UGCG: variants seen among roughly 807,000 people sequenced by gnomAD.
The protein encoded by UGCG is ceramide glucosyltransferase.
Under a neutral mutation model 49.5 loss-of-function variants are expected in UGCG, and 10 were observed. The ratio of observed to expected loss-of-function variants is 0.20; its 90% CI spans 0.12 to 0.34. The LOEUF (loss-of-function observed/expected upper bound fraction) is 0.34. Among genes scored for constraint, UGCG ranks in the 10% least tolerant of loss-of-function variants. The probability of loss-of-function intolerance (pLI) is 1.00; values close to 1 mark genes in which losing one functional copy is unlikely to be tolerated. For missense variants in UGCG, 312 were observed against 483.7 expected, an observed-to-expected ratio of 0.65 and a Z score of 3.33; for synonymous variants, 182 against 158.2, an observed-to-expected ratio of 1.15 and a Z score of -1.13.
chr9:111,925,257 T>G (rs1306699711), intron 4 of UGCG, among the ~76,000 whole-genome samples: 2 of 152,204 alleles, frequency 1.3e-5, no homozygotes, highest in Non-Finnish European at 2.9e-5. Context: ...AATTAATAGG[T>G]GCATATTTTA....
chr9:111,912,349 G>A (rs1243893951), intron 1 of UGCG, among the ~76,000 whole-genome samples: 5 of 151,770 alleles, frequency 3.3e-5, no homozygotes, highest in African/African-American at 9.7e-5. Flanking sequence ...AAGCCGAGGC[G>A]GGCAGATCAC....
chr9:111,915,763 T>A (rs1838099469), intron 2 of UGCG: 52 of 984,606 alleles, frequency 5.3e-5, no homozygotes, highest in Non-Finnish European at 6.3e-5. Context: ...TTTTAGCCTT[T>A]ATTTTTCTCG....
At chr9:111,922,103 G>A (rs1838232452) in intron 2 of UGCG, among the ~76,000 whole-genome samples, 1 of 151,246 alleles carries the variant, frequency 6.6e-6, no homozygotes, top group Non-Finnish European at 1.5e-5. Context: ...ATGAGCCACC[G>A]TGCCCAGCCC....
intron 1 of UGCG, among the ~76,000 whole-genome samples, chr9:111,908,567 T>A (rs1161621647): frequency 6.6e-6 from 1 of 152,196 alleles, no homozygotes; most frequent in South Asian, 2.1e-4. Flanking sequence ...ATGTACATTA[T>A]GTATCAATAA....
At chr9:111,931,730 TA>T (rs1043354243) in intron 7 of UGCG, among the ~76,000 whole-genome samples, 2 of 152,206 alleles carry the variant, frequency 1.3e-5, no homozygotes, top group African/African-American at 2.4e-5. Context: ...AGAGAGTCAT[TA>T]AAAAAAATTT....
rs147118052 is a variant in UGCG at position 111,906,210 on chromosome 9, G to A, written c.99-8395G>A. Among the ~76,000 whole-genome samples the A allele has an allele frequency of 2.8e-3, 432 of 152,178 alleles. 3 individuals are homozygous for A. The highest frequency in any genetic ancestry group is 0.014 in the Middle Eastern group (4 of 294). Reference sequence around the variant, plus strand: ...ATGTCTTGAGAGTAAATTAAAGTTCGTATGTTCAAAAGTTCATTACTCTTT... The same window carrying A: ...ATGTCTTGAGAGTAAATTAAAGTTCATATGTTCAAAAGTTCATTACTCTTT... On this transcript the variant is annotated intron_variant, in intron 1 of 8. Coordinates refer to ENST00000374279, the MANE Select transcript of UGCG (RefSeq NM_003358.3).
At chr9:111,900,960 C>A (rs1053512509) in intron 1 of UGCG, among the ~76,000 whole-genome samples, 1 of 151,952 alleles carries the variant, frequency 6.6e-6, no homozygotes, top group Non-Finnish European at 1.5e-5. Context: ...ATTCTCCCAC[C>A]TCAGCCTCCC....
At chr9:111,897,418 G>A (rs534010217) in intron 1 of UGCG, 105 bp downstream of exon 1, 1 of 878,992 alleles carries the variant, frequency 1.1e-6, no homozygotes. Context: ...CTCGGGCGGG[G>A]GTGGAGAAAG....
At chr9:111,905,749 C>T (rs937681845) in intron 1 of UGCG, among the ~76,000 whole-genome samples, 9 of 152,122 alleles carry the variant, frequency 5.9e-5, no homozygotes, top group Admixed American at 1.3e-4. Context: ...CCACTGAGCC[C>T]GGCCTCTCCT....
chr9:111,902,934 C>T (rs117242578), intron 1 of UGCG, among the ~76,000 whole-genome samples: 2,110 of 152,244 alleles, frequency 0.014, 17 homozygotes, highest in South Asian at 0.035. Context: ...CGTGCCACCA[C>T]ACCCCGCTAA....
intron 3 of UGCG, among the ~76,000 whole-genome samples, 190 bp downstream of exon 3, chr9:111,923,141 G>A (rs1589526653): frequency 6.6e-6 from 1 of 151,816 alleles, no homozygotes; most frequent in South Asian, 2.1e-4. Flanking sequence ...TATCTGAGAT[G>A]AACAAAATCA....
intron 1 of UGCG, among the ~76,000 whole-genome samples, chr9:111,911,813 C>A (rs771520472): frequency 6.6e-6 from 1 of 150,594 alleles, no homozygotes; most frequent in Non-Finnish European, 1.5e-5. Flanking sequence ...GTGGCAGGAT[C>A]GCTTGAGCCT....
intron 2 of UGCG, among the ~76,000 whole-genome samples, chr9:111,918,935 A>AC (rs972670480): frequency 7.8e-5 from 10 of 128,086 alleles, no homozygotes; most frequent in African/African-American, 3.5e-4. Context: ...AAAAAAAAAA[A>AC]ACAAAAAACA....
chr9:111,904,118 C>G (rs922219836), intron 1 of UGCG, among the ~76,000 whole-genome samples: 2 of 152,230 alleles, frequency 1.3e-5, no homozygotes, highest in African/African-American at 4.8e-5. Context: ...CAGCACCTGC[C>G]ACCTCTTGGC....
chr9:111,921,802 ATTTTTTTTTTTT>A (rs71373800), intron 2 of UGCG, among the ~76,000 whole-genome samples: 2 of 55,536 alleles, frequency 3.6e-5, no homozygotes, highest in South Asian at 7.7e-4. Flanking sequence ...CCCCAGGGTG[ATTTTTTTTTTTT>A]TTTTTTTTTT....
intron 2 of UGCG, among the ~76,000 whole-genome samples, chr9:111,919,892 G>C (rs780187712): frequency 6.6e-6 from 1 of 151,956 alleles, no homozygotes; most frequent in Non-Finnish European, 1.5e-5. Flanking sequence ...AGGAAAGCTC[G>C]TTGTTACTTT....
intron 7 of UGCG, 111 bp from the exon 8 acceptor site, chr9:111,932,059 G>GAAT: frequency 8.9e-7 from 1 of 1,124,570 alleles, no homozygotes; most frequent in Non-Finnish European, 1.3e-6. Context: ...AGTTTAAAGA[G>GAAT]AATGGTCTTT....
intron 1 of UGCG, among the ~76,000 whole-genome samples, chr9:111,908,166 T>C (rs1239620057): frequency 6.6e-6 from 1 of 152,194 alleles, no homozygotes; most frequent in East Asian, 1.9e-4. Context: ...ACACTAGTTA[T>C]AATAACCTCA....
rs539869574 is a variant in UGCG, at chr9:111,909,407, T to C, written c.99-5198T>C. On this transcript the variant is annotated intron_variant, in intron 1 of 8. Transcript: ENST00000374279. ...CTTTCATGATTTCTGTGTAGAAATC[T>C]GTAGATTGGTTTCCAACACACTGGT... Among the ~76,000 whole-genome samples, 23 of 152,366 alleles carry C rather than the reference T, an allele frequency of 1.5e-4. No homozygotes were observed. The South Asian group carries it at 2.1e-3, about 14-fold the overall frequency.
Sources: allele counts gnomAD v4.1 joint callset (sites outside exome capture counted in the v4.1 genomes callset), GRCh38; gene constraint gnomAD v4.1.1; transcripts MANE v1.5; gene names NCBI Gene and HGNC (gene_info 2026-07-23, HGNC 2026-07-21).